MIOS: variants seen among roughly 807,000 people sequenced by gnomAD.
MIOS encodes meiosis regulator for oocyte development, also known as GATOR2 complex protein MIOS.
MIOS carries 52 observed loss-of-function variants against 96.9 expected under a neutral mutation model. That is an observed-to-expected ratio of 0.54 (90% confidence interval 0.43 to 0.68). The LOEUF is 0.68. Ranked by LOEUF, MIOS falls within the 30% of genes least tolerant of loss-of-function variation. MIOS has a pLI of 0.00. For synonymous variants in MIOS, 397 were observed against 359.5 expected (o/e 1.10, Z -1.18); for missense variants, 1,005 against 1,052.8 (o/e 0.95, Z 0.63).
intron 5 of MIOS, among the ~76,000 whole-genome samples, chr7:7,580,876 C>T (rs1054731790): frequency 2.7e-5 from 4 of 149,754 alleles, no homozygotes; most frequent in African/African-American, 4.9e-5. Flanking sequence ...TAGTAGAGAC[C>T]GGGTTTTGCC....
chr7:7,585,700 T>C lies in MIOS; in HGVS notation c.1713T>C (p.Leu571=), dbSNP rs758208447. The change falls in exon 7 of 13, where the codon CTT becomes CTC. Residue 571 remains leucine (L), a synonymous_variant. Coordinates refer to ENST00000340080, the MANE Select transcript of MIOS (RefSeq NM_019005.4). The part of the protein sequence containing the change: ...LSGYTDEKNS[L]WREMCSTLRL... ...GTTATACGGATGAGAAGAACTCCCTTTGGAGAGAAATGTGTAGCACACTGC... is the reference window on the plus strand; with the variant it reads ...GTTATACGGATGAGAAGAACTCCCTCTGGAGAGAAATGTGTAGCACACTGC... 6.8e-6 allele frequency: 11 copies of C among 1,611,016 alleles called. No homozygotes were observed. The African/African-American group carries it at 1.3e-4, about 20-fold the overall frequency.
At chr7:7,598,850 T>C (rs756725574) in intron 11 of MIOS, among the ~76,000 whole-genome samples, 1 of 152,166 alleles carries the variant, frequency 6.6e-6, no homozygotes, top group Non-Finnish European at 1.5e-5. Flanking sequence ...ATGACTAATA[T>C]AACGAATAGC....
chr7:7,594,281 G>A (rs1465671676), intron 9 of MIOS, among the ~76,000 whole-genome samples: 1 of 151,144 alleles, frequency 6.6e-6, no homozygotes, highest in Non-Finnish European at 1.5e-5. Flanking sequence ...TAGTTCAGAT[G>A]TGACTGAGCA....
chr7:7,606,247 C>T (rs1369248060), intron 12 of MIOS, among the ~76,000 whole-genome samples, 176 bp downstream of exon 12: 2 of 152,094 alleles, frequency 1.3e-5, no homozygotes, highest in Non-Finnish European at 2.9e-5. Flanking sequence ...TCCTATGTAA[C>T]CTTAAACTAT....
chr7:7,581,031 G>A (rs936789040), intron 5 of MIOS, among the ~76,000 whole-genome samples: 7 of 149,466 alleles, frequency 4.7e-5, no homozygotes, highest in Admixed American at 4.7e-4. Flanking sequence ...CTTGAAAAGA[G>A]TAAAAATAGG....
Position 7,607,163 on chromosome 7 carries a change from A to C in MIOS, c.*71A>C, listed in dbSNP as rs1784556223. ...TAGGTGTCCTTCATAGCTCAGAAAC[A>C]TACCTCAGAACAAGCCATTCATGAC... On this transcript the variant is annotated 3_prime_UTR_variant, in exon 13 of 13. Transcript: ENST00000340080. 1 of 1,171,416 alleles carries C rather than the reference A, an allele frequency of 8.5e-7. No homozygotes were observed. The highest frequency in any genetic ancestry group is 1.5e-5 in the African/African-American group (1 of 64,518). The allele number at this position is 1,171,416 out of a possible 1,614,324, so 72.6% of individuals were successfully genotyped here.
rs928292127 is a variant in MIOS at position 7,601,922 on chromosome 7, G to A, written c.2402-4020G>A. On this transcript the variant is annotated intron_variant, in intron 11 of 12. Transcript: ENST00000340080. The stretch of plus-strand genomic sequence containing the variant: ...GGGATGCAAGGCTGGTTCAACATAC[G>A]AAAATCAATAAATGTAATCCAGCAC... Among the ~76,000 whole-genome samples the A allele has an allele frequency of 3.2e-3, 487 of 152,168 alleles. 2 individuals are homozygous for A. Among genetic ancestry groups the A allele is most frequent in the Non-Finnish European group, 5.2e-3 (357 of 68,012 alleles).
chr7:7,608,485 A>G lies in MIOS; in HGVS notation c.*1393A>G, dbSNP rs1365014776. The G allele has an allele frequency of 1.3e-5, 2 of 152,082 alleles. No individual in the cohort carries two copies. Among genetic ancestry groups the G allele is most frequent in the Non-Finnish European group, 1.5e-5 (1 of 67,966 alleles). 9.4% of individuals were successfully genotyped at this position (152,082 alleles called of 1,614,324 possible). On this transcript the variant is annotated 3_prime_UTR_variant, in exon 13 of 13. Transcript: ENST00000340080. ...ACATAAAACCCTTTTCTAGGAAAACATTGGAAGTAGTACATATTTACTCTA... is the reference window on the plus strand; with the variant it reads ...ACATAAAACCCTTTTCTAGGAAAACGTTGGAAGTAGTACATATTTACTCTA...
intron 11 of MIOS, among the ~76,000 whole-genome samples, chr7:7,601,417 A>G (rs1210118913): frequency 6.6e-6 from 1 of 152,212 alleles, no homozygotes; most frequent in African/African-American, 2.4e-5. Flanking sequence ...AGAAATACAA[A>G]CTACCATCAG....
intron 7 of MIOS, among the ~76,000 whole-genome samples, chr7:7,586,669 T>A (rs1037490620): frequency 2.3e-4 from 35 of 152,232 alleles, no homozygotes; most frequent in African/African-American, 8.4e-4. Context: ...AATGAAATGT[T>A]TAATAAATGT....
intron 5 of MIOS, among the ~76,000 whole-genome samples, chr7:7,580,914 C>T (rs148869863): frequency 0.14 from 21,061 of 149,546 alleles, 1,655 homozygotes; most frequent in East Asian, 0.29. Context: ...CTCGAACTCC[C>T]GACCTCAGGT....
At position 7,607,357 on chromosome 7, in the gene MIOS, TGG is replaced by T; in HGVS notation, c.*266_*267del. On this transcript the variant is annotated 3_prime_UTR_variant, in exon 13 of 13. Coordinates refer to ENST00000340080, the MANE Select transcript of MIOS (RefSeq NM_019005.4). ...TGATTTAGAAAAACTTTCTAAGTTT[TGG>T]TTGAAATTATGAACACTCTAGAAGC... 1 of 263,308 alleles carries T rather than the reference TGG, an allele frequency of 3.8e-6. No homozygotes were observed. 16.3% of individuals were successfully genotyped at this position (263,308 alleles called of 1,614,324 possible).
Position 7,608,303 on chromosome 7 carries a change from T to C in MIOS, c.*1211T>C, listed in dbSNP as rs1057395529. 8 of 152,104 alleles carry C rather than the reference T, an allele frequency of 5.3e-5. No individual in the cohort carries two copies. The highest frequency in any genetic ancestry group is 1.2e-4 in the Non-Finnish European group (8 of 67,978). 9.4% of individuals were successfully genotyped at this position (152,104 alleles called of 1,614,324 possible). ...TGAAGCTGTGTTCATAAAGAGTAAA[T>C]CTTATTTTATAGATTTTGGAGAAAT... On this transcript the variant is annotated 3_prime_UTR_variant, in exon 13 of 13. Coordinates refer to ENST00000340080, the MANE Select transcript of MIOS (RefSeq NM_019005.4).
In MIOS at chr7:7,573,455, C is replaced by A. The variant is rs1412160152; in HGVS notation, c.980C>A (p.Ser327Tyr). The A allele has an allele frequency of 6.2e-7, 1 of 1,614,010 alleles. No individual in the cohort carries two copies. Among genetic ancestry groups the A allele is most frequent in the Non-Finnish European group, 8.5e-7 (1 of 1,179,970 alleles). The change falls in exon 4 of 13, where the codon TCC (serine) becomes TAC (tyrosine). Residue 327 changes from serine to tyrosine, a missense_variant. Ser to Tyr is a moderately radical substitution (Grantham distance 144). This residue lies in a region of MIOS where 865 missense variants were observed against 887.9 expected (regional missense o/e 0.97). Transcript: ENST00000340080. The surrounding 1 kb of genome is among the most constrained non-coding windows in gnomAD (Gnocchi z 5.0). ...SVQPCDNYIA[S>Y]FAWHPTSQNR... Reference sequence around the variant, plus strand: ...CAACCTTGTGACAATTACATTGCTTCCTTTGCGTGGCATCCAACAAGTCAA... The same window carrying A: ...CAACCTTGTGACAATTACATTGCTTACTTTGCGTGGCATCCAACAAGTCAA...
intron 3 of MIOS, among the ~76,000 whole-genome samples, chr7:7,571,192 C>T (rs1419828925): frequency 6.6e-6 from 1 of 152,126 alleles, no homozygotes; most frequent in South Asian, 2.1e-4. Flanking sequence ...AATCTATTAC[C>T]TTTTGCCAGC....
intron 6 of MIOS, among the ~76,000 whole-genome samples, chr7:7,584,367 C>G (rs1322185004): frequency 6.6e-6 from 1 of 152,062 alleles, no homozygotes; most frequent in Non-Finnish European, 1.5e-5. Context: ...GTGATACTTT[C>G]CTATCTTGTG....
chr7:7,580,812 G>A lies in MIOS; in HGVS notation c.1394-2306G>A, dbSNP rs1378677915. Among the ~76,000 whole-genome samples the A allele has an allele frequency of 4.7e-5, 7 of 147,866 alleles. No individual in the cohort carries two copies. In the South Asian group the frequency reaches 1.1e-3, roughly 23 times the overall value. ...AGCGATTCTCCTGCCTCAGCCTCCC[G>A]AGAAGCTGGGACTACAGGTGCACAC... On this transcript the variant is annotated intron_variant, in intron 5 of 12. Transcript: ENST00000340080.
intron 3 of MIOS, among the ~76,000 whole-genome samples, chr7:7,569,009 A>T (rs1359024365): frequency 2.0e-5 from 3 of 152,216 alleles, no homozygotes; most frequent in Non-Finnish European, 4.4e-5. Flanking sequence ...TTGTGGCATC[A>T]AGATTGCTTA....
rs764377057 is a variant in MIOS, at chr7:7,607,104, C to T, written c.*12C>T. On this transcript the variant is annotated 3_prime_UTR_variant, in exon 13 of 13. Transcript: ENST00000340080. Reference sequence around the variant, plus strand: ...CTGTCCAGCCATAAAATGTTACCACCTTAAGAGAACCCTTCAAGTGTGGAG... The same window carrying T: ...CTGTCCAGCCATAAAATGTTACCACTTTAAGAGAACCCTTCAAGTGTGGAG... The T allele has an allele frequency of 7.5e-6, 12 of 1,593,432 alleles. No individual in the cohort carries two copies. In the Admixed American group the frequency reaches 1.4e-4, roughly 19 times the overall value.
Sources: gnomAD v4.1 joint callset for allele counts (sites outside exome capture counted in the v4.1 genomes callset) on GRCh38, gnomAD v4.1.1 for gene constraint, gnomAD v4.1.1 regional missense constraint, Gnocchi (gnomAD v3.1) non-coding constraint, MANE v1.5 for transcripts, NCBI Gene and HGNC (gene_info 2026-07-23, HGNC 2026-07-21) for gene names.